CMPK1: variants seen among roughly 807,000 people sequenced by gnomAD.
CMPK1 encodes cytidine/uridine monophosphate kinase 1, also known as UMP-CMP kinase.
CMPK1 carries 10 observed loss-of-function variants against 25.7 expected under a neutral mutation model. The ratio of observed to expected loss-of-function variants is 0.39; its 90% confidence interval spans 0.24 to 0.66. The LOEUF is 0.66. CMPK1 is among the 30% of genes least tolerant of loss of function. The pLI, the probability that CMPK1 is intolerant of heterozygous loss-of-function variation, is 0.48. For synonymous variants in CMPK1, 106 were observed against 101.5 expected (o/e 1.04, Z -0.27); for missense variants, 199 against 280.5 (o/e 0.71, Z 2.08).
chr1:47,335,413 C>T (rs569309741), intron 1 of CMPK1, among the ~76,000 whole-genome samples: 54 of 152,140 alleles, frequency 3.5e-4, no homozygotes, highest in African/African-American at 1.2e-3. Flanking sequence ...CCGAGGCTGG[C>T]GGATCACGAG....
intron 1 of CMPK1, among the ~76,000 whole-genome samples, chr1:47,366,467 CATA>C (rs143869777): frequency 0.024 from 3,643 of 152,174 alleles, 138 homozygotes; most frequent in East Asian, 0.19. Flanking sequence ...ACTAAAATAC[CATA>C]ATAACTTATA....
chr1:47,376,671 T>A, intron 5 of CMPK1, 33 bp from the exon 6 acceptor site: 1 of 1,462,396 alleles, frequency 6.8e-7, no homozygotes, highest in Non-Finnish European at 9.5e-7. Context: ...CAGTACCTGC[T>A]TTTAAAATTA....
rs755642320 is a variant in CMPK1, at chr1:47,334,011, C to T, written c.66C>T (p.Arg22=). The T allele has an allele frequency of 6.5e-7, 1 of 1,549,270 alleles. No individual in the cohort carries two copies. Among genetic ancestry groups the T allele is most frequent in the Non-Finnish European group, 8.7e-7 (1 of 1,147,890 alleles). ...GCCTTAGCTTCCTGCTGCAGACCCG[C>T]CGGCCGATTCTCCTCTGCTCTCCAC... ...VLGLSFLLQT[R]RPILLCSPRL... is the part of the protein sequence containing the mutation. Residue 22 remains arginine (R), a synonymous_variant, in exon 1 of 6, where the codon CGC becomes CGT. Coordinates refer to ENST00000371873, the MANE Select transcript of CMPK1 (RefSeq NM_016308.3).
At chr1:47,375,148 GAAGA>G (rs748765179) in intron 4 of CMPK1, 45 bp from the exon 5 acceptor site, 5 of 1,435,248 alleles carry the variant, frequency 3.5e-6, no homozygotes, top group Admixed American at 1.7e-5. Context: ...ATAACATGTA[GAAGA>G]AAGGATAGAT....
At chr1:47,362,901 C>T (rs749619134) in intron 1 of CMPK1, among the ~76,000 whole-genome samples, 2 of 152,094 alleles carry the variant, frequency 1.3e-5, no homozygotes, top group Admixed American at 6.6e-5. Context: ...GATAAGCTTC[C>T]TTTAAGAGTG....
At chr1:47,368,074 T>C (rs1350035067) in intron 1 of CMPK1, among the ~76,000 whole-genome samples, 2 of 152,178 alleles carry the variant, frequency 1.3e-5, no homozygotes, top group East Asian at 1.9e-4. Context: ...CTCAGCCTCC[T>C]GAGTAGCTGG....
In CMPK1 at chr1:47,376,724, GA is replaced by G; in HGVS notation, c.667del (p.Ile223PhefsTer35). ...TACAGGTTTTTGATGAAGTTGTGCA[GA>G]TTTTTGACAAGGAAGGCTAATTCTA... ...VDEVFDEVVQ[I>X]FDKEG On this transcript the variant is annotated frameshift_variant, in exon 6 of 6. Coordinates refer to ENST00000371873, the MANE Select transcript of CMPK1 (RefSeq NM_016308.3). LOFTEE classifies it high-confidence loss of function. 6.3e-7 allele frequency: 1 copy of G among 1,586,560 alleles called. No individual in the cohort carries two copies. The highest frequency in any genetic ancestry group is 1.1e-5 in the South Asian group (1 of 89,682).
At chr1:47,344,970 G>T (rs1171566517) in intron 1 of CMPK1, among the ~76,000 whole-genome samples, 2 of 151,784 alleles carry the variant, frequency 1.3e-5, no homozygotes, top group African/African-American at 2.4e-5. Context: ...AGGCTGGAGT[G>T]CAGTGGTGCG....
At chr1:47,375,010 C>T (rs1285498604) in intron 4 of CMPK1, 25 bp downstream of exon 4, 1 of 1,532,248 alleles carries the variant, frequency 6.5e-7, no homozygotes, top group Non-Finnish European at 9.0e-7. Flanking sequence ...TTACATACAA[C>T]CACTTCAATC....
chr1:47,375,115 TC>T (rs1297339265), intron 4 of CMPK1, 81 bp from the exon 5 acceptor site: 2 of 1,266,712 alleles, frequency 1.6e-6, no homozygotes, highest in Admixed American at 3.5e-5. Flanking sequence ...TCGGGGCAGA[TC>T]CAGTGTTCTG....
intron 1 of CMPK1, among the ~76,000 whole-genome samples, chr1:47,353,590 A>G (rs531564993): frequency 6.6e-6 from 1 of 152,106 alleles, no homozygotes; most frequent in South Asian, 2.1e-4. Flanking sequence ...CTTTTTTTTA[A>G]TACCATATGG....
chr1:47,346,869 C>T (rs571923032), intron 1 of CMPK1, among the ~76,000 whole-genome samples: 16 of 150,788 alleles, frequency 1.1e-4, no homozygotes, highest in Non-Finnish European at 1.9e-4. Context: ...TCCTCCCCTT[C>T]CCTTCCCTTC....
At chr1:47,349,320 G>C (rs1172281477) in intron 1 of CMPK1, among the ~76,000 whole-genome samples, 1 of 152,140 alleles carries the variant, frequency 6.6e-6, no homozygotes, top group African/African-American at 2.4e-5. Context: ...TGAGAGTGAG[G>C]AGACCTGGAT....
chr1:47,364,259 A>G (rs897585871), intron 1 of CMPK1, among the ~76,000 whole-genome samples: 1 of 152,200 alleles, frequency 6.6e-6, no homozygotes, highest in African/African-American at 2.4e-5. Context: ...ATGTAAATCT[A>G]AAGGACGCCT....
chr1:47,341,387 G>C (rs1646439801), intron 1 of CMPK1, among the ~76,000 whole-genome samples: 1 of 152,042 alleles, frequency 6.6e-6, no homozygotes, highest in Non-Finnish European at 1.5e-5. Flanking sequence ...TTTTGAGACA[G>C]AGACTCACTC....
intron 1 of CMPK1, among the ~76,000 whole-genome samples, chr1:47,341,783 C>A (rs1414901991): frequency 6.7e-6 from 1 of 150,016 alleles, no homozygotes; most frequent in Non-Finnish European, 1.5e-5. Flanking sequence ...GGATTACGCC[C>A]AGCTAATTTT....
At position 47,376,734 on chromosome 1, in the gene CMPK1, A is replaced by G; in HGVS notation, c.676A>G (p.Lys226Glu). ...VFDEVVQIFD[K>E]EG ...TGATGAAGTTGTGCAGATTTTTGACAAGGAAGGCTAATTCTAAACCTGAAG... is the reference window on the plus strand; with the variant it reads ...TGATGAAGTTGTGCAGATTTTTGACGAGGAAGGCTAATTCTAAACCTGAAG... The change falls in exon 6 of 6, where the codon AAG becomes GAG. Residue 226 changes from lysine (K) to glutamate (E), a missense_variant. Lys to Glu is a moderately conservative substitution (Grantham distance 56). Transcript: ENST00000371873. The G allele has an allele frequency of 2.5e-6, 4 of 1,582,640 alleles. No homozygotes were observed. The highest frequency in any genetic ancestry group is 3.5e-6 in the Non-Finnish European group (4 of 1,153,494).
At chr1:47,343,588 G>A (rs1646458576) in intron 1 of CMPK1, among the ~76,000 whole-genome samples, 1 of 151,552 alleles carries the variant, frequency 6.6e-6, no homozygotes, top group African/African-American at 2.4e-5. Context: ...TGAGAGCCAG[G>A]CACTGTGATA....
At chr1:47,356,722 G>A (rs1646563064) in intron 1 of CMPK1, among the ~76,000 whole-genome samples, 1 of 151,684 alleles carries the variant, frequency 6.6e-6, no homozygotes, top group African/African-American at 2.4e-5. Flanking sequence ...GTGCAGTGGT[G>A]CAATCAAGGC....
Sources: allele counts gnomAD v4.1 joint callset (sites outside exome capture counted in the v4.1 genomes callset), GRCh38; gene constraint gnomAD v4.1.1; transcripts MANE v1.5; gene names NCBI Gene and HGNC (gene_info 2026-07-23, HGNC 2026-07-21).